FBXL20: variants seen among roughly 807,000 people sequenced by gnomAD.
The protein encoded by FBXL20 is F-box and leucine rich repeat protein 20.
FBXL20 carries 11 observed loss-of-function variants against 64.0 expected under a neutral mutation model. That is an observed-to-expected ratio of 0.17 (90% CI 0.11 to 0.28). FBXL20 has a LOEUF of 0.28. Among genes scored for constraint, FBXL20 ranks in the 10% least tolerant of loss-of-function variants. The pLI, the probability that FBXL20 is intolerant of heterozygous loss-of-function variation, is 1.00. For missense variants in FBXL20, 303 were observed against 526.2 expected (o/e 0.58, Z 4.15); for synonymous variants, 184 against 189.0 (o/e 0.97, Z 0.22).
intron 2 of FBXL20, among the ~76,000 whole-genome samples, chr17:39,338,410 AGG>A (rs1567886746): frequency 6.6e-4 from 101 of 152,328 alleles, no homozygotes; most frequent in African/African-American, 2.3e-3. Flanking sequence ...GGAAGGCCGC[AGG>A]GTCCTCTGCC....
At chr17:39,379,591 G>T (rs894078427) in intron 1 of FBXL20, among the ~76,000 whole-genome samples, 12 of 151,600 alleles carry the variant, frequency 7.9e-5, no homozygotes, top group East Asian at 3.9e-4. Flanking sequence ...ACCAGCCCGG[G>T]CTACACAGCA....
chr17:39,362,028 C>T (rs932859533), intron 1 of FBXL20, among the ~76,000 whole-genome samples: 2 of 151,354 alleles, frequency 1.3e-5, no homozygotes, highest in Non-Finnish European at 2.9e-5. Context: ...TGGCTGATAC[C>T]TGTAATCCCA....
chr17:39,389,609 G>C (rs1718705237), intron 1 of FBXL20, among the ~76,000 whole-genome samples: 1 of 152,084 alleles, frequency 6.6e-6, no homozygotes, highest in African/African-American at 2.4e-5. Flanking sequence ...ACAAGGTTAG[G>C]AGATCGAGAC....
intron 1 of FBXL20, among the ~76,000 whole-genome samples, chr17:39,384,137 A>G (rs1159765846): frequency 6.6e-6 from 1 of 152,046 alleles, no homozygotes; most frequent in Non-Finnish European, 1.5e-5. Context: ...TGGGAGGGTA[A>G]GGTGGAAGAT....
chr17:39,276,251 G>A, intron 9 of FBXL20, among the ~76,000 whole-genome samples: 1 of 148,376 alleles, frequency 6.7e-6, no homozygotes, highest in African/African-American at 2.5e-5. Flanking sequence ...AAAGGGACGG[G>A]AAGGGAAGGG....
intron 9 of FBXL20, among the ~76,000 whole-genome samples, chr17:39,276,866 C>T (rs1430258197): frequency 6.6e-6 from 1 of 152,124 alleles, no homozygotes; most frequent in African/African-American, 2.4e-5. Flanking sequence ...GTGGAATGAT[C>T]GCTTTAGCCC....
intron 1 of FBXL20, among the ~76,000 whole-genome samples, chr17:39,378,644 CTG>C (rs773160598): frequency 3.3e-5 from 5 of 151,610 alleles, no homozygotes; most frequent in Non-Finnish European, 7.4e-5. Context: ...GAGTCTCACT[CTG>C]TTGCCCAGGC....
chr17:39,401,402 T>TGGGGCCGGCGGGTGCGGCC lies in FBXL20; in HGVS notation c.-19_-1dup. The TGGGGCCGGCGGGTGCGGCC allele has an allele frequency of 6.2e-7, 1 of 1,606,850 alleles. No homozygotes were observed. Among genetic ancestry groups the TGGGGCCGGCGGGTGCGGCC allele is most frequent in the Non-Finnish European group, 8.5e-7 (1 of 1,177,060 alleles). On this transcript the variant is annotated 5_prime_UTR_variant, in exon 1 of 15. Coordinates refer to ENST00000264658, the MANE Select transcript of FBXL20 (RefSeq NM_032875.3). ...GTCACTCCGTTCACGTCCCTCCTCA[T>TGGGGCCGGCGGGTGCGGCC]GGGGCCGGCGGGTGCGGCCCGGGCC...
At chr17:39,272,079 C>A (rs1425451161) in intron 10 of FBXL20, among the ~76,000 whole-genome samples, 1 of 151,772 alleles carries the variant, frequency 6.6e-6, no homozygotes, top group South Asian at 2.1e-4. Flanking sequence ...CAAGACTTCA[C>A]CAGTATAAAA....
chr17:39,401,630 G>A (rs2048246616), upstream of FBXL20: 2 of 1,366,626 alleles, frequency 1.5e-6, no homozygotes, highest in Non-Finnish European at 1.9e-6. Flanking sequence ...TCTCTCCTCA[G>A]CCTCAACTTC....
At chr17:39,327,700 T>A (rs1308174602) in intron 2 of FBXL20, among the ~76,000 whole-genome samples, 1 of 152,102 alleles carries the variant, frequency 6.6e-6, no homozygotes, top group Non-Finnish European at 1.5e-5. Flanking sequence ...ATTTCTTTTT[T>A]GTTTTGTTTT....
At chr17:39,276,289 TAAAGAAAGG>T (rs905039137) in intron 9 of FBXL20, among the ~76,000 whole-genome samples, 4 of 60,306 alleles carry the variant, frequency 6.6e-5, no homozygotes, top group African/African-American at 2.7e-4. Context: ...AAAGAAGGAA[TAAAGAAAGG>T]AAAGAAAGGA....
At chr17:39,387,875 G>A (rs2048097839) in intron 1 of FBXL20, among the ~76,000 whole-genome samples, 1 of 152,098 alleles carries the variant, frequency 6.6e-6, no homozygotes, top group Admixed American at 6.6e-5. Flanking sequence ...ACCGCACCAG[G>A]CCTTAACTAC....
intron 14 of FBXL20, among the ~76,000 whole-genome samples, chr17:39,262,924 C>G (rs2046759994): frequency 1.3e-5 from 2 of 151,844 alleles, no homozygotes; most frequent in Admixed American, 6.6e-5. Flanking sequence ...ATAGCGTGAA[C>G]CTGGGAGGCA....
intron 12 of FBXL20, among the ~76,000 whole-genome samples, chr17:39,267,871 C>A (rs1008890214): frequency 6.6e-6 from 1 of 152,146 alleles, no homozygotes; most frequent in East Asian, 1.9e-4. Context: ...CGGATGCGAA[C>A]AAGTTTTAGT....
At chr17:39,310,246 T>G (rs1261123858) in intron 2 of FBXL20, among the ~76,000 whole-genome samples, 1 of 151,872 alleles carries the variant, frequency 6.6e-6, no homozygotes, top group Non-Finnish European at 1.5e-5. Context: ...CTGGAACCAA[T>G]GTGTCCAACT....
chr17:39,288,856 G>A (rs1182180010), intron 6 of FBXL20, among the ~76,000 whole-genome samples: 1 of 151,848 alleles, frequency 6.6e-6, no homozygotes, highest in East Asian at 1.9e-4. Context: ...GGCACGTGCC[G>A]CCACACTCGG....
At chr17:39,295,784 G>GATATATAT (rs10568875) in intron 6 of FBXL20, among the ~76,000 whole-genome samples, 52 of 137,096 alleles carry the variant, frequency 3.8e-4, no homozygotes, top group African/African-American at 9.9e-4. Flanking sequence ...CAAATATGGA[G>GATATATAT]ATATATATAT....
chr17:39,314,967 T>C (rs1428382533), intron 2 of FBXL20, among the ~76,000 whole-genome samples: 1 of 151,936 alleles, frequency 6.6e-6, no homozygotes, highest in Non-Finnish European at 1.5e-5. Flanking sequence ...CCGGCTAATT[T>C]GTGTATTTTA....
Sources: gnomAD v4.1 joint callset for allele counts (sites outside exome capture counted in the v4.1 genomes callset) on GRCh38, gnomAD v4.1.1 for gene constraint, MANE v1.5 for transcripts, NCBI Gene and HGNC (gene_info 2026-07-23, HGNC 2026-07-21) for gene names.